The following VWF variants were observed in gnomAD, a reference collection of about 807,000 sequenced individuals.
VWF encodes Factor VIII related antigen.
VWF carries 176 observed loss-of-function variants against 308.6 expected under a neutral mutation model. The ratio of observed to expected loss-of-function variants is 0.57; its 90% CI spans 0.50 to 0.65. The LOEUF is 0.65. Among genes scored for constraint, VWF ranks in the 30% least tolerant of loss-of-function variants. The pLI is 0.00. For missense variants in VWF, 3,146 were observed against 3,648.2 expected (o/e 0.86, Z 3.55); for synonymous variants, 1,385 against 1,443.4 (o/e 0.96, Z 0.92).
chr12:6,088,725 A>T (rs1392150992), intron 6 of VWF, among the ~76,000 whole-genome samples: 1 of 152,112 alleles, frequency 6.6e-6, no homozygotes, highest in African/African-American at 2.4e-5. Flanking sequence ...ACACTTTGTG[A>T]TAGTTACCTG....
In VWF at chr12:6,086,676, C is replaced by T. The variant is rs529894094; in HGVS notation, c.657+8784G>A. ...GGGCCTAGACAGTGAGACCCAAGTC[C>T]GCTGGGCTTACATTGCCTCCCTCCA... On this transcript the variant is annotated intron_variant, in intron 6 of 51. Coordinates refer to ENST00000261405, the MANE Select transcript of VWF (RefSeq NM_000552.5). Among the ~76,000 whole-genome samples, 5 of 152,262 alleles carry T rather than the reference C, an allele frequency of 3.3e-5. No homozygotes were observed. The East Asian group carries it at 7.7e-4, about 23-fold the overall frequency.
chr12:6,052,529 C>T lies in VWF; in HGVS notation c.2186+14G>A, dbSNP rs1375860631. ...GCTGTTTTAGAGGTCCCTGACACTG[C>T]TGCCTGCACTTACCACATGGTGTGA... On this transcript the variant is annotated intron_variant, in intron 16 of 51. Transcript: ENST00000261405. The T allele has an allele frequency of 2.5e-6, 4 of 1,614,224 alleles. No individual in the cohort carries two copies. In the South Asian group the frequency reaches 4.4e-5, roughly 18 times the overall value.
intron 16 of VWF, among the ~76,000 whole-genome samples, chr12:6,050,689 G>A (rs1420488425): frequency 6.6e-6 from 1 of 152,216 alleles, no homozygotes. Flanking sequence ...GCTGGGCGTG[G>A]TGGCTCATGC....
chr12:6,061,488 A>T (rs1313904978), intron 13 of VWF, among the ~76,000 whole-genome samples: 4 of 146,830 alleles, frequency 2.7e-5, no homozygotes, highest in Non-Finnish European at 6.0e-5. Context: ...AAAAAAAAAA[A>T]GGAGTTAGTT....
At chr12:6,079,588 C>T (rs1220625972) in intron 6 of VWF, among the ~76,000 whole-genome samples, 5 of 148,404 alleles carry the variant, frequency 3.4e-5, no homozygotes, top group Non-Finnish European at 4.4e-5. Flanking sequence ...CTAGCCTGGG[C>T]GACAGAGTGA....
chr12:6,056,827 C>T (rs558308968), intron 15 of VWF, 30 bp downstream of exon 15: 10 of 1,357,616 alleles, frequency 7.4e-6, no homozygotes, highest in Admixed American at 8.0e-5. Flanking sequence ...GGGGGCGGCC[C>T]GGAGGGCTGC....
At chr12:6,112,161 T>A (rs998772593) in intron 3 of VWF, among the ~76,000 whole-genome samples, 1 of 152,038 alleles carries the variant, frequency 6.6e-6, no homozygotes, top group Non-Finnish European at 1.5e-5. Context: ...CACTAAATGG[T>A]TGACAATGGA....
At chr12:5,993,038 G>A (rs1943762846) in intron 37 of VWF, among the ~76,000 whole-genome samples, 1 of 152,150 alleles carries the variant, frequency 6.6e-6, no homozygotes, top group African/African-American at 2.4e-5. Flanking sequence ...GAAAGACTAA[G>A]AGAACAGTCC....
Position 5,990,660 on chromosome 12 carries a change from C to T in VWF, c.6798+1159G>A, listed in dbSNP as rs373902229. ...GCCAAATATGCTTCTATCTCTACCACGGTCTGTAGTATCACTGTCAAGCAT... is the reference window on the plus strand; with the variant it reads ...GCCAAATATGCTTCTATCTCTACCATGGTCTGTAGTATCACTGTCAAGCAT... On this transcript the variant is annotated intron_variant, in intron 38 of 51. Coordinates refer to ENST00000261405, the MANE Select transcript of VWF (RefSeq NM_000552.5). Among the ~76,000 whole-genome samples, 10 of 151,956 alleles carry T rather than the reference C, an allele frequency of 6.6e-5. No homozygotes were observed. The East Asian group carries it at 1.5e-3, about 24-fold the overall frequency.
chr12:5,973,046 C>T (rs1178998762), intron 43 of VWF, among the ~76,000 whole-genome samples: 2 of 152,128 alleles, frequency 1.3e-5, no homozygotes, highest in African/African-American at 2.4e-5. Flanking sequence ...CGGATGGCTC[C>T]CAGGCCAGAT....
At chr12:6,036,906 G>A (rs1400592313) in intron 18 of VWF, among the ~76,000 whole-genome samples, 5 of 152,102 alleles carry the variant, frequency 3.3e-5, no homozygotes, top group Non-Finnish European at 7.3e-5. Flanking sequence ...ATAGAATTAT[G>A]GACAAAGATT....
In VWF at chr12:5,994,070, C is replaced by G; in HGVS notation, c.6390G>C (p.Gln2130His). The change falls in exon 37 of 52, where the codon CAG becomes CAC. Residue 2130 changes from glutamine (Q) to histidine (H), a missense_variant. Gln to His is a conservative substitution (Grantham distance 24, BLOSUM62 0). Coordinates refer to ENST00000261405, the MANE Select transcript of VWF (RefSeq NM_000552.5). ...AGTGGGAGCTGTCGGGGACAAGACACTGCTCCTCCAGGATGGGCTGGCACG... is the reference window on the plus strand; with the variant it reads ...AGTGGGAGCTGTCGGGGACAAGACAGTGCTCCTCCAGGATGGGCTGGCACG... ...GQTCQPILEE[Q>H]CLVPDSSHCQ... is the part of the protein sequence containing the mutation. 1 of 1,614,224 alleles carries G rather than the reference C, an allele frequency of 6.2e-7. No homozygotes were observed. The highest frequency in any genetic ancestry group is 1.1e-5 in the South Asian group (1 of 91,084).
intron 18 of VWF, among the ~76,000 whole-genome samples, chr12:6,037,984 G>A (rs1384972233): frequency 1.3e-5 from 2 of 152,178 alleles, no homozygotes; most frequent in African/African-American, 4.8e-5. Flanking sequence ...AGGTGTTCCC[G>A]CATCTCTGGA....
intron 6 of VWF, among the ~76,000 whole-genome samples, chr12:6,093,378 A>G (rs1945071362): frequency 6.6e-6 from 1 of 152,152 alleles, no homozygotes; most frequent in South Asian, 2.1e-4. Flanking sequence ...AGTGACCAAC[A>G]GGGGCCACTC....
chr12:5,965,332 G>C (rs189851072), intron 47 of VWF, among the ~76,000 whole-genome samples: 4 of 152,032 alleles, frequency 2.6e-5, no homozygotes, highest in African/African-American at 9.7e-5. Context: ...TCGACGGCTC[G>C]CAGCCCTTCC....
At chr12:5,976,055 T>A in intron 43 of VWF, 56 bp downstream of exon 43, 3 of 1,608,238 alleles carry the variant, frequency 1.9e-6, no homozygotes, top group Non-Finnish European at 2.5e-6. Flanking sequence ...TAAGATGCCC[T>A]CCTCTACTTT....
At chr12:5,986,957 G>A (rs925758066) in intron 38 of VWF, among the ~76,000 whole-genome samples, 3 of 151,908 alleles carry the variant, frequency 2.0e-5, no homozygotes, top group Non-Finnish European at 2.9e-5. Context: ...AGACAGAGTC[G>A]CACTCTCTCG....
At chr12:6,117,180 C>T (rs1945377193) in intron 3 of VWF, among the ~76,000 whole-genome samples, 1 of 152,218 alleles carries the variant, frequency 6.6e-6, no homozygotes, top group Non-Finnish European at 1.5e-5. Context: ...GGCAAACAAT[C>T]TCCCAGAAAA....
chr12:6,120,442 A>G (rs1263205176), intron 3 of VWF, among the ~76,000 whole-genome samples: 1 of 151,910 alleles, frequency 6.6e-6, no homozygotes, highest in East Asian at 1.9e-4. Context: ...AGCTGGGATT[A>G]TAGACACACA....
Sources: allele counts gnomAD v4.1 joint callset (sites outside exome capture counted in the v4.1 genomes callset), GRCh38; gene constraint gnomAD v4.1.1; transcripts MANE v1.5; gene names NCBI Gene and HGNC (gene_info 2026-07-23, HGNC 2026-07-21).